SND1: variants seen among roughly 807,000 people sequenced by gnomAD.
SND1 encodes staphylococcal nuclease domain-containing protein 1.
Under a neutral mutation model 121.7 loss-of-function variants are expected in SND1, and 38 were observed. The ratio of observed to expected loss-of-function variants is 0.31; its 90% CI spans 0.24 to 0.41. SND1 has a LOEUF of 0.41. SND1 is among the 10% of genes least tolerant of loss of function. The pLI, the probability that SND1 is intolerant of heterozygous loss-of-function variation, is 1.00. For synonymous variants in SND1, 401 were observed against 447.4 expected (o/e 0.90, Z 1.31); for missense variants, 868 against 1,184.6 (o/e 0.73, Z 3.92).
chr7:127,689,676 C>G lies in SND1; in HGVS notation c.228+2914C>G, dbSNP rs924368323. On this transcript the variant is annotated intron_variant, in intron 2 of 23. Coordinates refer to ENST00000354725, the MANE Select transcript of SND1 (RefSeq NM_014390.4). Reference sequence around the variant, plus strand: ...TACAGTCTAGTGCTTTTTGCCTCTCCCAGACTAACTCAGTCTCACTGTTTC... The same window carrying G: ...TACAGTCTAGTGCTTTTTGCCTCTCGCAGACTAACTCAGTCTCACTGTTTC... 5.3e-5 allele frequency among the ~76,000 whole-genome samples: 8 copies of G among 152,046 alleles called. No homozygotes were observed. The East Asian group carries it at 1.4e-3, about 26-fold the overall frequency.
rs1793750584 is a variant in SND1, at chr7:128,089,970, G to A, written c.2622+278G>A. 3.4e-5 allele frequency: 15 copies of A among 443,474 alleles called. 2 individuals are homozygous for A. The highest frequency in any genetic ancestry group is 2.0e-4 in the South Asian group (9 of 45,758). The allele number at this position is 443,474 out of a possible 1,614,324, so 27.5% of individuals were successfully genotyped here. On this transcript the variant is annotated intron_variant, in intron 22 of 23. Coordinates refer to ENST00000354725, the MANE Select transcript of SND1 (RefSeq NM_014390.4). ...CCCAGGTGACAGGCGAGAAAGCTTT[G>A]CCAGGGGCTATGTGGAGAGGGTCAA...
intron 1 of SND1, among the ~76,000 whole-genome samples, chr7:127,663,237 G>A (rs1017774203): frequency 6.6e-6 from 1 of 152,080 alleles, no homozygotes; most frequent in Admixed American, 6.5e-5. Flanking sequence ...CTAATACAGT[G>A]TAAATGCTAT....
chr7:127,870,870 AT>A (rs1232169598), intron 12 of SND1, among the ~76,000 whole-genome samples: 2 of 152,176 alleles, frequency 1.3e-5, no homozygotes, highest in Admixed American at 6.5e-5. Context: ...ATAATGCTTA[AT>A]TTTTTTAAAA....
In SND1 at chr7:128,081,518, C is replaced by T; in HGVS notation, c.2110+17C>T. 6.2e-7 allele frequency: 1 copy of T among 1,612,954 alleles called. No individual in the cohort carries two copies. Among genetic ancestry groups the T allele is most frequent in the Non-Finnish European group, 8.5e-7 (1 of 1,179,722 alleles). ...TGGAGACCGGTGAGTGCTCAGGCCG[C>T]TGGCTCGTGGTTCCTGGCTTGGTCC... On this transcript the variant is annotated intron_variant, in intron 18 of 23. Coordinates refer to ENST00000354725, the MANE Select transcript of SND1 (RefSeq NM_014390.4).
At chr7:127,766,789 A>T (rs866772869) in intron 10 of SND1, among the ~76,000 whole-genome samples, 2,406 of 149,888 alleles carry the variant, frequency 0.016, 154 homozygotes, top group African/African-American at 0.056. Context: ...AAAAAAAAAA[A>T]AAAAAAAAAA....
At chr7:127,729,746 G>C (rs1313442079) in intron 10 of SND1, among the ~76,000 whole-genome samples, 1 of 152,144 alleles carries the variant, frequency 6.6e-6, no homozygotes, top group East Asian at 1.9e-4. Flanking sequence ...ACTTTAGACT[G>C]GATGATGGAT....
chr7:127,789,318 C>T (rs1041766861), intron 10 of SND1, among the ~76,000 whole-genome samples: 6 of 152,200 alleles, frequency 3.9e-5, no homozygotes, highest in Non-Finnish European at 7.3e-5. Context: ...GAAGCTTAAA[C>T]ATAACCCTTA....
chr7:128,072,118 G>T (rs1793423607), intron 16 of SND1, among the ~76,000 whole-genome samples: 3 of 152,222 alleles, frequency 2.0e-5, no homozygotes, highest in African/African-American at 7.2e-5. Flanking sequence ...CAGAGAGCGA[G>T]GTGTGAATGT....
At chr7:127,830,588 A>G (rs1798721189) in intron 11 of SND1, among the ~76,000 whole-genome samples, 1 of 152,178 alleles carries the variant, frequency 6.6e-6, no homozygotes, top group Non-Finnish European at 1.5e-5. Context: ...TCCATAGCAG[A>G]ATATATCCTT....
intron 15 of SND1, among the ~76,000 whole-genome samples, chr7:127,973,465 T>C (rs1215393183): frequency 6.6e-6 from 1 of 152,034 alleles, no homozygotes; most frequent in Non-Finnish European, 1.5e-5. Context: ...GAGGCTTAGA[T>C]TGAGAAGAGG....
At position 127,661,089 on chromosome 7, in the gene SND1, G is replaced by A. The variant is rs192889320; in HGVS notation, c.78+8638G>A. Among the ~76,000 whole-genome samples, 9 of 152,250 alleles carry A rather than the reference G, an allele frequency of 5.9e-5. 1 individual carries two copies. The East Asian group carries it at 1.4e-3, about 23-fold the overall frequency. On this transcript the variant is annotated intron_variant, in intron 1 of 23. Coordinates refer to ENST00000354725, the MANE Select transcript of SND1 (RefSeq NM_014390.4). Reference sequence around the variant, plus strand: ...TGATAAGTGAAATGTATGTATGTGGGGGTGGGTGCACCAGAATTTTATGAG... The same window carrying A: ...TGATAAGTGAAATGTATGTATGTGGAGGTGGGTGCACCAGAATTTTATGAG...
intron 12 of SND1, among the ~76,000 whole-genome samples, chr7:127,885,508 G>A (rs935856398): frequency 6.6e-6 from 1 of 152,098 alleles, no homozygotes; most frequent in Non-Finnish European, 1.5e-5. Flanking sequence ...AGTGATTTGG[G>A]AATCTAAGGC....
intron 4 of SND1, 88 bp downstream of exon 4, chr7:127,699,041 G>A: frequency 1.9e-6 from 2 of 1,043,866 alleles, no homozygotes; most frequent in Non-Finnish European, 2.9e-6. Flanking sequence ...ATGGGTAACT[G>A]CAGGGGCTTT....
Position 127,950,593 on chromosome 7 carries a change from A to C in SND1, c.1669+21264A>C, listed in dbSNP as rs543299252. Among the ~76,000 whole-genome samples, 5 of 152,286 alleles carry C rather than the reference A, an allele frequency of 3.3e-5. No individual in the cohort carries two copies. In the South Asian group the frequency reaches 1.0e-3, roughly 32 times the overall value. ...GCATATCCTTGAACCAATACTGTAC[A>C]TGACTTTCCCTCCCATCCATGAAAT... On this transcript the variant is annotated intron_variant, in intron 15 of 23. Transcript: ENST00000354725.
intron 10 of SND1, among the ~76,000 whole-genome samples, chr7:127,801,377 C>T (rs1305768413): frequency 6.6e-6 from 1 of 152,092 alleles, no homozygotes; most frequent in African/African-American, 2.4e-5. Context: ...CAGTGAAGTA[C>T]CTGTTTATAT....
At chr7:127,941,724 G>C (rs1801207717) in intron 15 of SND1, among the ~76,000 whole-genome samples, 1 of 152,122 alleles carries the variant, frequency 6.6e-6, no homozygotes, top group Non-Finnish European at 1.5e-5. Flanking sequence ...ACAAGCTAGA[G>C]CAGACGACAT....
intron 16 of SND1, among the ~76,000 whole-genome samples, chr7:128,061,220 T>C (rs922221685): frequency 6.6e-6 from 1 of 152,176 alleles, no homozygotes; most frequent in Non-Finnish European, 1.5e-5. Context: ...AAACCCTGGC[T>C]CCTGTCAAGC....
chr7:127,780,184 C>T (rs567585782), intron 10 of SND1, among the ~76,000 whole-genome samples: 4 of 152,300 alleles, frequency 2.6e-5, no homozygotes, highest in African/African-American at 9.6e-5. Context: ...TGAAAACCCC[C>T]ACCAATGGGA....
intron 12 of SND1, among the ~76,000 whole-genome samples, chr7:127,874,401 A>AT (rs1271401597): frequency 6.6e-6 from 1 of 152,144 alleles, no homozygotes; most frequent in Non-Finnish European, 1.5e-5. Context: ...GACTGTTATC[A>AT]TTTTTTGTAT....
Sources: gnomAD v4.1 joint callset for allele counts (sites outside exome capture counted in the v4.1 genomes callset) on GRCh38, gnomAD v4.1.1 for gene constraint, MANE v1.5 for transcripts, NCBI Gene and HGNC (gene_info 2026-07-23, HGNC 2026-07-21) for gene names.